The following NUDCD3 variants were observed in gnomAD, a reference collection of about 807,000 sequenced individuals.
NUDCD3 encodes NudC domain containing 3.
NUDCD3 carries 13 observed loss-of-function variants against 39.7 expected under a neutral mutation model. The ratio of observed to expected loss-of-function variants is 0.33; its 90% CI spans 0.21 to 0.52. The LOEUF (loss-of-function observed/expected upper bound fraction) is 0.52, where lower values mean the gene tolerates loss of function less well. Ranked by LOEUF, NUDCD3 falls within the 20% of genes least tolerant of loss-of-function variation. The pLI, the probability that NUDCD3 is intolerant of heterozygous loss-of-function variation, is 0.96. For synonymous variants in NUDCD3, 175 were observed against 172.4 expected (o/e 1.02, Z -0.12); for missense variants, 453 against 458.1 (o/e 0.99, Z 0.10).
At chr7:44,396,483 C>T (rs1046870580) in intron 4 of NUDCD3, among the ~76,000 whole-genome samples, 2 of 152,142 alleles carry the variant, frequency 1.3e-5, no homozygotes, top group African/African-American at 4.8e-5. Context: ...ATTCTAACAT[C>T]GTTATTGACT....
At chr7:44,414,697 G>A (rs566565023) in intron 3 of NUDCD3, among the ~76,000 whole-genome samples, 1 of 152,278 alleles carries the variant, frequency 6.6e-6, no homozygotes, top group African/African-American at 2.4e-5. Context: ...CAAAAATTAT[G>A]TAAATACAAA....
intron 1 of NUDCD3, chr7:44,489,928 A>C (rs539515537): frequency 6.5e-6 from 1 of 153,122 alleles, no homozygotes; most frequent in African/African-American, 2.4e-5. Flanking sequence ...CTCAAATAGA[A>C]ATTTTAATAA....
chr7:44,482,278 C>T (rs1303111365), intron 2 of NUDCD3, among the ~76,000 whole-genome samples: 3 of 152,060 alleles, frequency 2.0e-5, no homozygotes, highest in Admixed American at 2.0e-4. Flanking sequence ...ATGGACAATC[C>T]CTAGAGCTGG....
chr7:44,417,064 T>G (rs1799040354), intron 3 of NUDCD3, among the ~76,000 whole-genome samples: 1 of 152,242 alleles, frequency 6.6e-6, no homozygotes, highest in African/African-American at 2.4e-5. Context: ...TGACTTTTAC[T>G]GCTGTACCCC....
chr7:44,464,747 C>T (rs2116954560), intron 2 of NUDCD3, among the ~76,000 whole-genome samples: 1 of 152,318 alleles, frequency 6.6e-6, no homozygotes, highest in Non-Finnish European at 1.5e-5. Flanking sequence ...AGACACCATG[C>T]CCGGCCCACC....
At chr7:44,404,336 A>G (rs1798776663) in intron 4 of NUDCD3, 104 bp downstream of exon 4, 1 of 1,208,506 alleles carries the variant, frequency 8.3e-7, no homozygotes, top group Non-Finnish European at 1.2e-6. Flanking sequence ...AGCTGAAATT[A>G]ACAACCTCAC....
intron 2 of NUDCD3, among the ~76,000 whole-genome samples, chr7:44,428,123 T>TAAA (rs55642004): frequency 1.8e-4 from 14 of 76,098 alleles, no homozygotes; most frequent in African/African-American, 5.2e-4. Context: ...GGTCAATCTT[T>TAAA]AAAAAAAAAA....
chr7:44,424,639 C>T (rs1444091279), intron 3 of NUDCD3, among the ~76,000 whole-genome samples: 1 of 152,206 alleles, frequency 6.6e-6, no homozygotes, highest in Non-Finnish European at 1.5e-5. Flanking sequence ...CAGGAAACAA[C>T]AGATGCTGGC....
chr7:44,453,816 G>A (rs1799839739), intron 2 of NUDCD3, among the ~76,000 whole-genome samples: 1 of 152,186 alleles, frequency 6.6e-6, no homozygotes, highest in South Asian at 2.1e-4. Flanking sequence ...GGCCAAGGGA[G>A]TAGGATTGCT....
chr7:44,412,665 C>T (rs1284037010), intron 3 of NUDCD3, among the ~76,000 whole-genome samples: 1 of 152,158 alleles, frequency 6.6e-6, no homozygotes, highest in African/African-American at 2.4e-5. Flanking sequence ...CAGTGGCTCA[C>T]GCCTATAATC....
intron 3 of NUDCD3, among the ~76,000 whole-genome samples, chr7:44,412,684 T>C (rs1269084075): frequency 6.6e-6 from 1 of 151,988 alleles, no homozygotes; most frequent in African/African-American, 2.4e-5. Flanking sequence ...TCTCAGCACT[T>C]TGGGAGGCCG....
At chr7:44,449,540 G>A (rs1429088169) in intron 2 of NUDCD3, among the ~76,000 whole-genome samples, 3 of 152,200 alleles carry the variant, frequency 2.0e-5, no homozygotes, top group East Asian at 3.8e-4. Context: ...CAAAGCAGGA[G>A]AAGATTATTG....
intron 4 of NUDCD3, among the ~76,000 whole-genome samples, chr7:44,394,111 C>T (rs1244379971): frequency 1.2e-4 from 18 of 152,192 alleles, no homozygotes; most frequent in Admixed American, 1.2e-3. Context: ...TGCGGGAGAG[C>T]ACACAGTGGA....
At chr7:44,428,072 T>G (rs1006448713) in intron 2 of NUDCD3, among the ~76,000 whole-genome samples, 6 of 148,194 alleles carry the variant, frequency 4.0e-5, no homozygotes, top group Non-Finnish European at 4.4e-5. Flanking sequence ...ATAAAATCCT[T>G]AGGCTCATGA....
chr7:44,475,804 A>G (rs1800356868), intron 2 of NUDCD3, among the ~76,000 whole-genome samples: 1 of 152,180 alleles, frequency 6.6e-6, no homozygotes, highest in Admixed American at 6.5e-5. Context: ...AGAAGGAAAG[A>G]AAAGAAAAGC....
chr7:44,463,820 TAAA>T (rs550734861), intron 2 of NUDCD3, among the ~76,000 whole-genome samples: 2 of 149,276 alleles, frequency 1.3e-5, no homozygotes, highest in African/African-American at 4.9e-5. Flanking sequence ...TTTTACTAAA[TAAA>T]AAAAAAATCA....
intron 2 of NUDCD3, among the ~76,000 whole-genome samples, chr7:44,461,330 T>C (rs1209596810): frequency 6.6e-6 from 1 of 152,172 alleles, no homozygotes; most frequent in African/African-American, 2.4e-5. Flanking sequence ...CATCTCCCAC[T>C]CTATATGTCT....
At chr7:44,479,948 TG>T (rs1800453301) in intron 2 of NUDCD3, among the ~76,000 whole-genome samples, 1 of 152,250 alleles carries the variant, frequency 6.6e-6, no homozygotes, top group Non-Finnish European at 1.5e-5. Flanking sequence ...CACAACTTCC[TG>T]TTTTGTTCAA....
intron 5 of NUDCD3, among the ~76,000 whole-genome samples, chr7:44,388,383 T>A (rs1237869748): frequency 1.3e-5 from 2 of 152,188 alleles, no homozygotes; most frequent in Non-Finnish European, 2.9e-5. Flanking sequence ...GCCTGTGAGG[T>A]ATCCCTCAGG....
Sources: allele counts gnomAD v4.1 joint callset (sites outside exome capture counted in the v4.1 genomes callset), GRCh38; gene constraint gnomAD v4.1.1; transcripts MANE v1.5; gene names NCBI Gene and HGNC (gene_info 2026-07-23, HGNC 2026-07-21).